Variants in IPO8 observed in about 807,000 individuals in gnomAD.
The protein encoded by IPO8 is importin 8, also known as importin-8.
In IPO8, 65 loss-of-function variants were observed where a neutral mutation model predicts 141.2. The ratio of observed to expected loss-of-function variants is 0.46; its 90% confidence interval spans 0.38 to 0.57. IPO8 has a LOEUF of 0.57. Ranked by LOEUF, IPO8 falls within the 20% of genes least tolerant of loss-of-function variation. IPO8 has a pLI of 0.00. For synonymous variants in IPO8, 411 were observed against 420.3 expected (o/e 0.98, Z 0.27); for missense variants, 980 against 1,246.8 (o/e 0.79, Z 3.22).
chr12:30,682,838 A>G, intron 3 of IPO8, among the ~76,000 whole-genome samples: 1 of 152,144 alleles, frequency 6.6e-6, no homozygotes. Flanking sequence ...TATTTGAAAA[A>G]TCCCTTTGTA....
chr12:30,677,204 A>G, intron 5 of IPO8: 1 of 656,360 alleles, frequency 1.5e-6, no homozygotes, highest in Non-Finnish European at 2.6e-6. Context: ...TGCACCACAT[A>G]ACAAATGTTT....
At chr12:30,694,974 T>C (rs1030371506) in intron 1 of IPO8, 10 of 455,938 alleles carry the variant, frequency 2.2e-5, no homozygotes, top group Non-Finnish European at 4.0e-5. Context: ...CCAACACATC[T>C]TACTTTGATG....
rs747832715 is a variant in IPO8, at chr12:30,695,664, T to G, written c.-17A>C. 1 of 1,610,312 alleles carries G rather than the reference T, an allele frequency of 6.2e-7. No individual in the cohort carries two copies. Among genetic ancestry groups the G allele is most frequent in the Admixed American group, 1.7e-5 (1 of 59,960 alleles). On this transcript the variant is annotated 5_prime_UTR_variant, in exon 1 of 25. Coordinates refer to ENST00000256079, the MANE Select transcript of IPO8 (RefSeq NM_006390.4). This position sits in a 1 kb window ranked among gnomAD's most constrained non-coding sequence, Gnocchi z 4.2. ...GAGGTCCATCTCCCCGGGTGGGGGCTCCGCGGCCCCCGGAACAGTAGGCCG... is the reference window on the plus strand; with the variant it reads ...GAGGTCCATCTCCCCGGGTGGGGGCGCCGCGGCCCCCGGAACAGTAGGCCG...
chr12:30,633,635 G>C (rs12370947), intron 23 of IPO8, among the ~76,000 whole-genome samples: 32,233 of 152,044 alleles, frequency 0.21, 3,572 homozygotes, highest in East Asian at 0.3. Flanking sequence ...TATAAAATTG[G>C]CAAATTACTT....
At position 30,630,850 on chromosome 12, in the gene IPO8, G is replaced by A. The variant is rs758534850; in HGVS notation, c.*10C>T. The A allele has an allele frequency of 3.7e-5, 59 of 1,600,452 alleles. No homozygotes were observed. The highest frequency in any genetic ancestry group is 1.8e-4 in the Middle Eastern group (1 of 5,702). ...CAGCGATGACATTTGGTCAGCTGAT[G>A]TTCTTTCCTTCAGTTGTTGCTGGGC... On this transcript the variant is annotated 3_prime_UTR_variant, in exon 25 of 25. Coordinates refer to ENST00000256079, the MANE Select transcript of IPO8 (RefSeq NM_006390.4).
At position 30,629,425 on chromosome 12, in the gene IPO8, T is replaced by C. The variant is rs1209332676; in HGVS notation, c.*1435A>G. On this transcript the variant is annotated 3_prime_UTR_variant, in exon 25 of 25. Coordinates refer to ENST00000256079, the MANE Select transcript of IPO8 (RefSeq NM_006390.4). The stretch of plus-strand genomic sequence containing the variant: ...AACTCATGGTTTTCCAGGCTACTTC[T>C]ATAGACATCACTTAACCTAAAATTC... 1 of 152,196 alleles carries C rather than the reference T, an allele frequency of 6.6e-6. No individual in the cohort carries two copies. Among genetic ancestry groups the C allele is most frequent in the Non-Finnish European group, 1.5e-5 (1 of 68,040 alleles). 9.4% of individuals were successfully genotyped at this position (152,196 alleles called of 1,614,324 possible).
At position 30,681,814 on chromosome 12, in the gene IPO8, G is replaced by A; in HGVS notation, c.327C>T (p.Val109=). ...TGGCACGGAGACACATTGTTAATTGGACTCTACAAAGTAGGGAAGAAAAGT... is the reference window on the plus strand; with the variant it reads ...TGGCACGGAGACACATTGTTAATTGAACTCTACAAAGTAGGGAAGAAAAGT... ...GIIRSPDLVR[V]QLTMCLRAII... Residue 109 remains valine, a synonymous_variant, in exon 4 of 25, where the codon GTC becomes GTT. Coordinates refer to ENST00000256079, the MANE Select transcript of IPO8 (RefSeq NM_006390.4). 1 of 1,612,000 alleles carries A rather than the reference G, an allele frequency of 6.2e-7. No individual in the cohort carries two copies. The highest frequency in any genetic ancestry group is 8.5e-7 in the Non-Finnish European group (1 of 1,178,914).
chr12:30,642,697 T>C (rs74493760), intron 20 of IPO8, among the ~76,000 whole-genome samples: 4,449 of 151,794 alleles, frequency 0.029, 204 homozygotes, highest in African/African-American at 0.1. Context: ...TAGATATATA[T>C]GTATAGCAAT....
At chr12:30,639,828 A>G (rs1012812248) in intron 20 of IPO8, 93 bp from the exon 21 acceptor site, 4 of 853,262 alleles carry the variant, frequency 4.7e-6, no homozygotes, top group Non-Finnish European at 7.8e-6. Flanking sequence ...AATAAATAAG[A>G]CAGTCTTAAT....
intron 11 of IPO8, 32 bp downstream of exon 11, chr12:30,666,143 C>T (rs189777812): frequency 1.2e-4 from 165 of 1,349,654 alleles, no homozygotes; most frequent in Middle Eastern, 7.4e-4. Context: ...GGCCACCTTT[C>T]AGTTTTGGAT....
intron 15 of IPO8, 40 bp downstream of exon 15, chr12:30,662,287 G>A (rs747813523): frequency 6.4e-7 from 1 of 1,556,206 alleles, no homozygotes; most frequent in Non-Finnish European, 8.8e-7. Context: ...GATTACTCAA[G>A]GTTTCTAAAC....
chr12:30,655,788 C>G (rs905239685), intron 17 of IPO8, among the ~76,000 whole-genome samples: 3 of 152,200 alleles, frequency 2.0e-5, no homozygotes, highest in Non-Finnish European at 4.4e-5. Flanking sequence ...CAACTTTTTA[C>G]TAACAGAGTG....
intron 14 of IPO8, among the ~76,000 whole-genome samples, chr12:30,662,946 A>G (rs2052909452): frequency 6.6e-6 from 1 of 152,134 alleles, no homozygotes; most frequent in Admixed American, 6.5e-5. Flanking sequence ...CCACTGAAAC[A>G]TTGCTGAATA....
At chr12:30,632,913 T>C (rs1051880527) in intron 23 of IPO8, among the ~76,000 whole-genome samples, 11 of 152,234 alleles carry the variant, frequency 7.2e-5, no homozygotes, top group African/African-American at 2.7e-4. Context: ...TCACAGTCTT[T>C]AAGCAGTGGC....
chr12:30,649,105 C>A, intron 20 of IPO8, 32 bp downstream of exon 20: 1 of 1,435,820 alleles, frequency 7.0e-7, no homozygotes, highest in Non-Finnish European at 9.8e-7. Context: ...AAATGTAACC[C>A]TCAAGTAAGG....
chr12:30,673,795 A>G (rs952776441), intron 8 of IPO8, among the ~76,000 whole-genome samples, 195 bp downstream of exon 8: 1 of 152,180 alleles, frequency 6.6e-6, no homozygotes, highest in African/African-American at 2.4e-5. Context: ...GTCTCGGGAC[A>G]TTTGGTTCTA....
chr12:30,682,680 T>C (rs754882810), intron 3 of IPO8, among the ~76,000 whole-genome samples: 4 of 152,082 alleles, frequency 2.6e-5, no homozygotes, highest in Non-Finnish European at 4.4e-5. Flanking sequence ...CATTTTCAAA[T>C]GGTTAGAAAA....
intron 22 of IPO8, among the ~76,000 whole-genome samples, chr12:30,636,462 A>C: frequency 6.6e-6 from 1 of 152,150 alleles, no homozygotes; most frequent in East Asian, 1.9e-4. Flanking sequence ...TCATTTATGT[A>C]CTTTACCTTA....
chr12:30,673,300 T>C (rs750177298), intron 8 of IPO8, among the ~76,000 whole-genome samples: 7 of 152,280 alleles, frequency 4.6e-5, no homozygotes, highest in Non-Finnish European at 1.0e-4. Context: ...AGTAAAGCTT[T>C]TCCCTATGTC....
Sources: gnomAD v4.1 joint callset for allele counts (sites outside exome capture counted in the v4.1 genomes callset) on GRCh38, gnomAD v4.1.1 for gene constraint, Gnocchi (gnomAD v3.1) non-coding constraint, MANE v1.5 for transcripts, NCBI Gene and HGNC (gene_info 2026-07-23, HGNC 2026-07-21) for gene names.